ARID4B: variants seen among roughly 807,000 people sequenced by gnomAD.
The protein encoded by ARID4B is AT-rich interactive domain-containing protein 4B.
ARID4B carries 26 observed loss-of-function variants against 147.5 expected under a neutral mutation model. That is an observed-to-expected ratio of 0.18 (90% CI 0.13 to 0.24). The LOEUF (loss-of-function observed/expected upper bound fraction) is 0.24, where lower values mean the gene tolerates loss of function less well. Ranked by LOEUF, ARID4B falls within the 10% of genes least tolerant of loss-of-function variation. The pLI is 1.00. For synonymous variants in ARID4B, 512 were observed against 507.9 expected (o/e 1.01, Z -0.11); for missense variants, 1,179 against 1,511.5 (o/e 0.78, Z 3.65).
At chr1:235,239,224 G>A (rs911031021) in intron 8 of ARID4B, among the ~76,000 whole-genome samples, 3 of 151,786 alleles carry the variant, frequency 2.0e-5, no homozygotes, top group Non-Finnish European at 2.9e-5. Context: ...TGCCCACCTC[G>A]GCCTCCCAAA....
At chr1:235,312,869 A>G (rs1674161624) in intron 2 of ARID4B, among the ~76,000 whole-genome samples, 2 of 152,178 alleles carry the variant, frequency 1.3e-5, no homozygotes, top group African/African-American at 4.8e-5. Flanking sequence ...GCTACTCAGG[A>G]GGCTGAGGCA....
In ARID4B at chr1:235,219,892, T is replaced by C. The variant is rs764830581; in HGVS notation, c.1484A>G (p.Glu495Gly). The C allele has an allele frequency of 6.2e-7, 1 of 1,601,692 alleles. No individual in the cohort carries two copies. The highest frequency in any genetic ancestry group is 1.7e-5 in the Admixed American group (1 of 59,220). ...TTTGTCATCCAGATTTTCATTGTCT[T>C]CTGGTTTTTTAATGTTAACTTCTTT... ...QEKEVNIKKP[E>G]DNENLDDKDD... The change falls in exon 16 of 24, where the codon GAA becomes GGA. Residue 495 changes from glutamate (E) to glycine (G), a missense_variant. Coordinates refer to ENST00000264183, the MANE Select transcript of ARID4B (RefSeq NM_016374.6).
chr1:235,220,066 AATATTAAAAGTT>A, intron 15 of ARID4B, 98 bp from the exon 16 acceptor site: 1 of 861,200 alleles, frequency 1.2e-6, no homozygotes, highest in African/African-American at 1.8e-5. Flanking sequence ...AACCAATTCT[AATATTAAAAGTT>A]ATAAATTACT....
chr1:235,293,279 A>G (rs1386766295), intron 2 of ARID4B, among the ~76,000 whole-genome samples: 3 of 152,184 alleles, frequency 2.0e-5, no homozygotes, highest in Non-Finnish European at 4.4e-5. Flanking sequence ...TTTTTACTAT[A>G]TTTTAAATAC....
chr1:235,251,721 G>A (rs1159745106), intron 6 of ARID4B, among the ~76,000 whole-genome samples: 6 of 151,798 alleles, frequency 4.0e-5, no homozygotes, highest in Admixed American at 3.9e-4. Flanking sequence ...TATCCCCAAA[G>A]AAACACTATT....
chr1:235,195,646 TAAAG>T (rs2102963960), intron 18 of ARID4B, among the ~76,000 whole-genome samples: 1 of 152,060 alleles, frequency 6.6e-6, no homozygotes, highest in African/African-American at 2.4e-5. Context: ...TATAATCAGA[TAAAG>T]AAGAAGAGAA....
At chr1:235,224,222 T>G (rs1469471727) in intron 12 of ARID4B, among the ~76,000 whole-genome samples, 1 of 152,190 alleles carries the variant, frequency 6.6e-6, no homozygotes, top group East Asian at 1.9e-4. Context: ...GAAAGTAGAC[T>G]CTGACCAAGA....
Position 235,181,661 on chromosome 1 carries a change from A to G in ARID4B, c.3258T>C (p.Asn1086=), listed in dbSNP as rs776156544. 2 of 1,614,052 alleles carry G rather than the reference A, an allele frequency of 1.2e-6. No individual in the cohort carries two copies. The highest frequency in any genetic ancestry group is 2.2e-5 in the South Asian group (2 of 91,082). ...TGGCATCAAAACCTGCTGGCGAGCT[A>G]TTCCCTTCAGACTGGAGGTCTTGGA... The part of the protein sequence containing the change: ...GELQDLQSEG[N]SSPAGFDASV... The change falls in exon 20 of 24, where the codon AAT becomes AAC. Residue 1086 remains asparagine (N), a synonymous_variant. Coordinates refer to ENST00000264183, the MANE Select transcript of ARID4B (RefSeq NM_016374.6).
intron 20 of ARID4B, among the ~76,000 whole-genome samples, chr1:235,178,783 C>T (rs1371814011): frequency 6.6e-6 from 1 of 152,004 alleles, no homozygotes; most frequent in East Asian, 1.9e-4. Flanking sequence ...CCAAATCAAC[C>T]TTCTGTGTAT....
intron 19 of ARID4B, among the ~76,000 whole-genome samples, chr1:235,187,814 A>G (rs909140025): frequency 6.6e-6 from 1 of 152,238 alleles, no homozygotes; most frequent in South Asian, 2.1e-4. Context: ...AATTCACTGA[A>G]AAAAGAAAAT....
chr1:235,314,090 T>C (rs1674268065), intron 2 of ARID4B, among the ~76,000 whole-genome samples: 1 of 152,180 alleles, frequency 6.6e-6, no homozygotes, highest in African/African-American at 2.4e-5. Flanking sequence ...AACAACCCCA[T>C]GAGGCAATTA....
chr1:235,309,452 G>A (rs71640633), intron 2 of ARID4B, among the ~76,000 whole-genome samples: 18,576 of 139,664 alleles, frequency 0.13, 1,920 homozygotes, highest in Non-Finnish European at 0.2. Flanking sequence ...CCGGCCAGCC[G>A]CCCCATCCGG....
chr1:235,318,518 A>G (rs952140707), intron 2 of ARID4B, among the ~76,000 whole-genome samples: 1 of 152,306 alleles, frequency 6.6e-6, no homozygotes, highest in Admixed American at 6.5e-5. Flanking sequence ...GAAATCAGAC[A>G]CAAAAAGGCC....
chr1:235,299,429 T>G (rs11580720), intron 2 of ARID4B, among the ~76,000 whole-genome samples: 27,896 of 152,088 alleles, frequency 0.18, 3,755 homozygotes, highest in African/African-American at 0.38. Context: ...CTGACCTTGT[T>G]ATCCACCCAC....
intron 2 of ARID4B, among the ~76,000 whole-genome samples, chr1:235,291,186 G>C (rs1369399100): frequency 6.6e-6 from 1 of 151,580 alleles, no homozygotes; most frequent in Non-Finnish European, 1.5e-5. Context: ...CACCAGGTCA[G>C]GAGATCAAGA....
At chr1:235,223,049 T>A in intron 13 of ARID4B, 117 bp downstream of exon 13, 4 of 666,286 alleles carry the variant, frequency 6.0e-6, no homozygotes, top group Non-Finnish European at 1.0e-5. Flanking sequence ...TATCTTCTTC[T>A]TAGGTTTTTA....
At chr1:235,187,077 CTTTTTT>C (rs11335836) in intron 19 of ARID4B, 250 of 267,022 alleles carry the variant, frequency 9.4e-4, no homozygotes, top group Non-Finnish European at 1.3e-3. Flanking sequence ...GCATCTTATT[CTTTTTT>C]TTTTTTTTTT....
chr1:235,185,514 G>A (rs1423210686), intron 19 of ARID4B, among the ~76,000 whole-genome samples: 1 of 152,014 alleles, frequency 6.6e-6, no homozygotes, highest in Non-Finnish European at 1.5e-5. Context: ...TGTCATCCGG[G>A]GAATCCTCCT....
chr1:235,205,754 A>G (rs578208621), intron 17 of ARID4B, among the ~76,000 whole-genome samples: 7 of 152,242 alleles, frequency 4.6e-5, no homozygotes, highest in African/African-American at 4.8e-5. Flanking sequence ...CAAATGGCTA[A>G]TAAGTACATG....
Sources: gnomAD v4.1 joint callset for allele counts (sites outside exome capture counted in the v4.1 genomes callset) on GRCh38, gnomAD v4.1.1 for gene constraint, MANE v1.5 for transcripts, NCBI Gene and HGNC (gene_info 2026-07-23, HGNC 2026-07-21) for gene names.